The following PTPRD variants were observed in gnomAD, a reference collection of about 807,000 sequenced individuals.
PTPRD encodes receptor-type tyrosine-protein phosphatase delta.
Under a neutral mutation model 214.5 loss-of-function variants are expected in PTPRD, and 34 were observed. That is an observed-to-expected ratio of 0.16 (90% confidence interval 0.12 to 0.21). PTPRD has a LOEUF of 0.21. Among genes scored for constraint, PTPRD ranks in the 10% least tolerant of loss-of-function variants. PTPRD has a pLI of 1.00. For synonymous variants in PTPRD, 1,128 were observed against 845.7 expected (o/e 1.33, Z -5.79); for missense variants, 2,545 against 2,398.7 (o/e 1.06, Z -1.27).
intron 14 of PTPRD, among the ~76,000 whole-genome samples, chr9:8,622,817 T>C (rs1393982338): frequency 6.6e-6 from 1 of 151,934 alleles, no homozygotes; most frequent in Non-Finnish European, 1.5e-5. Context: ...AGAAACTTTT[T>C]CCTAAAACTT....
At chr9:8,500,676 T>C (rs570112753) in intron 24 of PTPRD, 78 bp downstream of exon 24, 5 of 1,388,908 alleles carry the variant, frequency 3.6e-6, no homozygotes, top group Admixed American at 2.1e-5. Flanking sequence ...AGAAAAAAGA[T>C]TACTGTGAGC....
intron 3 of PTPRD, among the ~76,000 whole-genome samples, chr9:10,329,881 T>C (rs958360262): frequency 6.6e-6 from 1 of 151,876 alleles, no homozygotes; most frequent in African/African-American, 2.4e-5. Flanking sequence ...TAGTCTGTCA[T>C]GTATAAAAAA....
At chr9:10,496,965 C>T (rs1332174997) in intron 2 of PTPRD, among the ~76,000 whole-genome samples, 1 of 151,810 alleles carries the variant, frequency 6.6e-6, no homozygotes, top group African/African-American at 2.4e-5. Flanking sequence ...TACTACACAG[C>T]CATAAAAAAG....
chr9:8,918,171 C>T (rs1446758699), intron 11 of PTPRD, among the ~76,000 whole-genome samples: 1 of 152,146 alleles, frequency 6.6e-6, no homozygotes, highest in Admixed American at 6.6e-5. Flanking sequence ...CCTCCATGCT[C>T]AATCACACTG....
chr9:10,291,456 T>C (rs555824963), intron 3 of PTPRD, among the ~76,000 whole-genome samples: 20 of 152,100 alleles, frequency 1.3e-4, no homozygotes, highest in Non-Finnish European at 2.6e-4. Flanking sequence ...GCGGAGATTA[T>C]TTGGGTGGAC....
At chr9:10,569,495 G>C (rs1037418487) in intron 2 of PTPRD, among the ~76,000 whole-genome samples, 4 of 151,152 alleles carry the variant, frequency 2.6e-5, no homozygotes, top group African/African-American at 9.7e-5. Context: ...GTATACTTGT[G>C]TATATGCATG....
chr9:8,750,207 G>C (rs1177216785), intron 11 of PTPRD, among the ~76,000 whole-genome samples: 1 of 152,118 alleles, frequency 6.6e-6, no homozygotes, highest in African/African-American at 2.4e-5. Flanking sequence ...TCCGAGGCTG[G>C]AGTGCCTTGG....
chr9:9,439,224 A>G (rs1011183290), intron 8 of PTPRD, among the ~76,000 whole-genome samples: 1 of 152,148 alleles, frequency 6.6e-6, no homozygotes, highest in Admixed American at 6.5e-5. Context: ...AGTTTGAAGC[A>G]TAAGAAAGAA....
chr9:10,299,049 T>C (rs1248053593), intron 3 of PTPRD, among the ~76,000 whole-genome samples: 2 of 152,190 alleles, frequency 1.3e-5, no homozygotes, highest in Non-Finnish European at 2.9e-5. Flanking sequence ...ATTGCCATTG[T>C]AGAGTGTCTG....
intron 2 of PTPRD, among the ~76,000 whole-genome samples, chr9:10,442,191 T>C (rs1055569791): frequency 6.6e-6 from 1 of 151,702 alleles, no homozygotes; most frequent in African/African-American, 2.4e-5. Flanking sequence ...ATTCAGTAAA[T>C]GTAATTTAAA....
rs561826720 is a variant in PTPRD, at chr9:10,404,803, T to C, written c.-599-63786A>G. On this transcript the variant is annotated intron_variant, in intron 2 of 45. Coordinates refer to ENST00000381196, the MANE Select transcript of PTPRD (RefSeq NM_002839.4). ...TTCAGATCCTCAGCACTGACAAACA[T>C]GTATCAGCCAAAATTTGTGTCTACA... 2.7e-4 allele frequency among the ~76,000 whole-genome samples: 13 copies of C among 48,938 alleles called. 6 individuals carry two copies. The South Asian group carries it at 8.1e-3, about 31-fold the overall frequency. 32.1% of individuals were successfully genotyped at this position (48,938 alleles called of 152,430 possible).
chr9:10,325,274 A>C (rs1400600016), intron 3 of PTPRD, among the ~76,000 whole-genome samples: 1 of 151,980 alleles, frequency 6.6e-6, no homozygotes, highest in Non-Finnish European at 1.5e-5. Context: ...TATGCTGGCC[A>C]CATGTTGAGA....
intron 5 of PTPRD, among the ~76,000 whole-genome samples, chr9:9,825,402 G>C (rs941516744): frequency 1.9e-5 from 2 of 103,406 alleles, no homozygotes; most frequent in African/African-American, 9.3e-5. Context: ...GAGACAGAGA[G>C]AGAAAGAGAG....
intron 8 of PTPRD, among the ~76,000 whole-genome samples, chr9:9,476,791 G>T (rs190552140): frequency 6.6e-6 from 1 of 151,846 alleles, no homozygotes; most frequent in Non-Finnish European, 1.5e-5. Flanking sequence ...GCTGGAGGGC[G>T]ATGGCACCAT....
At position 8,338,859 on chromosome 9, in the gene PTPRD, G is replaced by C. The variant is rs1039837495; in HGVS notation, c.5379+63C>G. ...CAAGTGCTTCTCCCAGAGAGAGAGA[G>C]AGAGAGGTATCTTAGACTACTTTTC... On this transcript the variant is annotated intron_variant, in intron 43 of 45. Coordinates refer to ENST00000381196, the MANE Select transcript of PTPRD (RefSeq NM_002839.4). 9 of 1,506,386 alleles carry C rather than the reference G, an allele frequency of 6.0e-6. No individual in the cohort carries two copies. The East Asian group carries it at 6.9e-5, about 12-fold the overall frequency. The allele number at this position is 1,506,386 out of a possible 1,614,324, so 93.3% of individuals were successfully genotyped here.
At chr9:9,920,641 A>G (rs998989493) in intron 5 of PTPRD, among the ~76,000 whole-genome samples, 1 of 152,138 alleles carries the variant, frequency 6.6e-6, no homozygotes, top group African/African-American at 2.4e-5. Flanking sequence ...GGAGATGCCA[A>G]TTGCTCACTG....
intron 11 of PTPRD, among the ~76,000 whole-genome samples, chr9:8,763,672 A>T (rs1200382079): frequency 2.0e-5 from 3 of 151,786 alleles, no homozygotes; most frequent in South Asian, 2.1e-4. Context: ...ATGTTCCCTA[A>T]AACAAAAAAA....
intron 7 of PTPRD, among the ~76,000 whole-genome samples, chr9:9,725,631 T>A (rs946442139): frequency 3.9e-5 from 6 of 152,198 alleles, no homozygotes; most frequent in African/African-American, 1.4e-4. Flanking sequence ...TTCTTGAATT[T>A]CATTTCCAGA....
chr9:9,656,064 C>T (rs2096504904), intron 7 of PTPRD, among the ~76,000 whole-genome samples: 1 of 152,146 alleles, frequency 6.6e-6, no homozygotes, highest in African/African-American at 2.4e-5. Flanking sequence ...AAAATTAAAA[C>T]AATGCGGTAC....
Sources: allele counts gnomAD v4.1 joint callset (sites outside exome capture counted in the v4.1 genomes callset), GRCh38; gene constraint gnomAD v4.1.1; transcripts MANE v1.5; gene names NCBI Gene and HGNC (gene_info 2026-07-23, HGNC 2026-07-21).